Variants in PAPLN observed in about 807,000 individuals in gnomAD.
PAPLN encodes the protein papilin.
In PAPLN, 146 loss-of-function variants were observed where a neutral mutation model predicts 159.0. That is an observed-to-expected ratio of 0.92 (90% confidence interval 0.80 to 1.05). The LOEUF is 1.05. PAPLN is among the 50% of genes least tolerant of loss of function. The pLI is 0.00. For missense variants in PAPLN, 1,720 were observed against 1,743.9 expected (o/e 0.99, Z 0.24); for synonymous variants, 734 against 702.9 (o/e 1.04, Z -0.70).
At chr14:73,270,164 G>A (rs1404634205) in intron 26 of PAPLN, among the ~76,000 whole-genome samples, 1 of 152,146 alleles carries the variant, frequency 6.6e-6, no homozygotes, top group Non-Finnish European at 1.5e-5. Flanking sequence ...CTCTGTCCGG[G>A]GCCTCGCTCG....
At chr14:73,272,347 G>C (rs1887813119) in intron 26 of PAPLN, 148 bp from the exon 27 acceptor site, 1 of 685,974 alleles carries the variant, frequency 1.5e-6, no homozygotes, top group Non-Finnish European at 2.3e-6. Context: ...TTGTACGTAT[G>C]GTTAAAAGGT....
At position 73,261,179 on chromosome 14, in the gene PAPLN, G is replaced by A. The variant is rs1019083526; in HGVS notation, c.2130G>A (p.Gln710=). The change falls in exon 18 of 27, where the codon CAG becomes CAA. Residue 710 remains glutamine (Q), a synonymous_variant. Transcript: ENST00000644200. The stretch of plus-strand genomic sequence containing the variant: ...AGGTCCACAACACCCACCAGCCCCA[G>A]GCCCAGCAGAATGAGCCCAGTGAGT... ...ASTVHNTHQP[Q]AQQNEPSECR... The A allele has an allele frequency of 1.2e-6, 2 of 1,614,114 alleles. No homozygotes were observed. Among genetic ancestry groups the A allele is most frequent in the Admixed American group, 3.3e-5 (2 of 60,018 alleles).
In PAPLN at chr14:73,262,843, C is replaced by A; in HGVS notation, c.2723+16C>A. 1 of 1,451,172 alleles carries A rather than the reference C, an allele frequency of 6.9e-7. No individual in the cohort carries two copies. Among genetic ancestry groups the A allele is most frequent in the Non-Finnish European group, 9.1e-7 (1 of 1,102,124 alleles). The allele number at this position is 1,451,172 out of a possible 1,614,324, so 89.9% of individuals were successfully genotyped here. ...CCTCCTACAGGTGAGGCCCACCTTC[C>A]CCAGGTGAGGGGGTTAGGACGCCCA... On this transcript the variant is annotated intron_variant, in intron 19 of 26. Transcript: ENST00000644200.
At chr14:73,244,602 C>T (rs1374127063) in intron 2 of PAPLN, 42 bp from the exon 3 acceptor site, 10 of 1,497,730 alleles carry the variant, frequency 6.7e-6, no homozygotes, top group Middle Eastern at 1.7e-4. Flanking sequence ...TGGGCTCAGG[C>T]TGTGAGTGGG....
Position 73,265,223 on chromosome 14 carries a change from T to A in PAPLN, c.3126-147T>A. On this transcript the variant is annotated intron_variant, in intron 22 of 26. Coordinates refer to ENST00000644200, the MANE Select transcript of PAPLN (RefSeq NM_001365906.3). This position sits in a 1 kb window ranked among gnomAD's most constrained non-coding sequence, Gnocchi z 4.1. ...TCACCCCAGGTAGTTATTGACCATTTCCTAACCAGAACAAGGCAGGGGATT... is the reference window on the plus strand; with the variant it reads ...TCACCCCAGGTAGTTATTGACCATTACCTAACCAGAACAAGGCAGGGGATT... 2.3e-6 allele frequency: 3 copies of A among 1,319,588 alleles called. No homozygotes were observed. The highest frequency in any genetic ancestry group is 3.1e-6 in the Non-Finnish European group (3 of 982,880). The allele number at this position is 1,319,588 out of a possible 1,614,324, so 81.7% of individuals were successfully genotyped here.
In PAPLN at chr14:73,266,827, T is replaced by C; in HGVS notation, c.3496T>C (p.Ser1166Pro). ...VAGESVNIRW[S>P]RNGLPVQADG... is the part of the protein sequence containing the mutation. ...AGGAGAAAGTGTGAACATCAGGTGGTCCAGGTAAAGGCTCTATTCCAAGTT... is the reference window on the plus strand; with the variant it reads ...AGGAGAAAGTGTGAACATCAGGTGGCCCAGGTAAAGGCTCTATTCCAAGTT... The change falls in exon 25 of 27, where the codon TCC becomes CCC. Residue 1166 changes from serine (S) to proline (P), a missense_variant. Ser to Pro is a moderately conservative substitution (Grantham distance 74). Coordinates refer to ENST00000644200, the MANE Select transcript of PAPLN (RefSeq NM_001365906.3). 6.2e-7 allele frequency: 1 copy of C among 1,610,034 alleles called. No individual in the cohort carries two copies. Among genetic ancestry groups the C allele is most frequent in the Non-Finnish European group, 8.5e-7 (1 of 1,178,014 alleles).
chr14:73,253,844 C>T lies in PAPLN; in HGVS notation c.1185C>T (p.Ala395=), dbSNP rs375727018. ...RSVYCISSDG[A]GIQEAVEEAE... is the part of the protein sequence containing the mutation. The stretch of plus-strand genomic sequence containing the variant: ...TGTACTGCATCTCGTCTGACGGGGC[C>T]GGCATCCAGGAGGCCGTGGAGGAGG... The change falls in exon 12 of 27, where the codon GCC becomes GCT. Residue 395 remains alanine (A), a synonymous_variant. Transcript: ENST00000644200. The T allele has an allele frequency of 1.2e-5, 20 of 1,613,600 alleles. No homozygotes were observed. Among genetic ancestry groups the T allele is most frequent in the South Asian group, 2.2e-5 (2 of 91,082 alleles).
At chr14:73,250,746 G>A (rs1287139627) in intron 6 of PAPLN, among the ~76,000 whole-genome samples, 161 bp from the exon 7 acceptor site, 3 of 152,200 alleles carry the variant, frequency 2.0e-5, no homozygotes, top group African/African-American at 4.8e-5. Context: ...CAGAGAAGTG[G>A]ATTGTCAGCC....
At chr14:73,246,018 T>C (rs994514406) in intron 4 of PAPLN, 55 bp from the exon 5 acceptor site, 3 of 1,441,050 alleles carry the variant, frequency 2.1e-6, no homozygotes, top group Non-Finnish European at 2.7e-6. Context: ...GGGCGGGAGG[T>C]GGGCGGACCT....
chr14:73,256,917 ATAAG>A (rs1885978568), intron 14 of PAPLN, among the ~76,000 whole-genome samples: 1 of 152,078 alleles, frequency 6.6e-6, no homozygotes, highest in African/African-American at 2.4e-5. Context: ...AAATAATAAA[ATAAG>A]TAAATATTTC....
At position 73,259,379 on chromosome 14, in the gene PAPLN, G is replaced by A; in HGVS notation, c.1819G>A (p.Gly607Ser). The change falls in exon 16 of 27, where the codon GGC becomes AGC. Residue 607 changes from glycine to serine, a missense_variant. Coordinates refer to ENST00000644200, the MANE Select transcript of PAPLN (RefSeq NM_001365906.3). ...CCAAGGCACCCACCTGTCAGCCCTG[G>A]GCCCCGCTCCCTCTCTGCAGCAGCC... ...GDQGTHLSAL[G>S]PAPSLQQPPY... is the part of the protein sequence containing the mutation. 1 of 1,612,538 alleles carries A rather than the reference G, an allele frequency of 6.2e-7. No individual in the cohort carries two copies.
At chr14:73,269,590 A>G (rs1033410400) in intron 26 of PAPLN, among the ~76,000 whole-genome samples, 1 of 152,222 alleles carries the variant, frequency 6.6e-6, no homozygotes, top group African/African-American at 2.4e-5. Context: ...CACACTTACA[A>G]GAGATATGTT....
In PAPLN at chr14:73,264,617, G is replaced by A. The variant is rs150085939; in HGVS notation, c.3016G>A (p.Glu1006Lys). 2.7e-5 allele frequency: 43 copies of A among 1,604,396 alleles called. 1 individual carries two copies. In the African/African-American group the frequency reaches 5.5e-4, roughly 21 times the overall value. Residue 1006 changes from glutamate (E) to lysine (K), a missense_variant, in exon 22 of 27, where the codon GAG (glutamate) becomes AAG (lysine). By Grantham distance (56) the Glu-to-Lys change is moderately conservative. Transcript: ENST00000644200. ...TGACATGGCCGTGCTGTCTGAGGCT[G>A]AGCTGAGCCGCTTCCCTCAGCCCAG... Reference protein sequence around the residue: ...GGDMAVLSEAELSRFPQPRDP... With the variant: ...GGDMAVLSEAKLSRFPQPRDP...
chr14:73,252,128 G>C lies in PAPLN; in HGVS notation c.954G>C (p.Ala318=), dbSNP rs765602228. Residue 318 remains alanine (A), a synonymous_variant, in exon 10 of 27, where the codon GCG becomes GCC. Transcript: ENST00000644200. ...WSHGSWSDCS[A]ECGGGHQSRL... is the part of the protein sequence containing the mutation. ...ACGGCTCATGGAGTGACTGCAGCGC[G>C]GAGTGTGGCGGAGGTGCGGGCGTGG... 2.7e-5 allele frequency: 43 copies of C among 1,604,118 alleles called. No homozygotes were observed. Among genetic ancestry groups the C allele is most frequent in the Non-Finnish European group, 3.4e-5 (40 of 1,175,472 alleles).
At chr14:73,260,985 A>C (rs546832632) in intron 17 of PAPLN, among the ~76,000 whole-genome samples, 156 bp downstream of exon 17, 1 of 152,284 alleles carries the variant, frequency 6.6e-6, no homozygotes, top group South Asian at 2.1e-4. Flanking sequence ...CCGGGCTTCA[A>C]AGATGGGCCT....
At chr14:73,248,472 T>C (rs1884864452) in intron 5 of PAPLN, among the ~76,000 whole-genome samples, 1 of 152,172 alleles carries the variant, frequency 6.6e-6, no homozygotes, top group African/African-American at 2.4e-5. Flanking sequence ...CTGTTTGTAC[T>C]TTTGGGTTGT....
Position 73,262,352 on chromosome 14 carries a change from T to C in PAPLN, c.2248T>C (p.Tyr750His). 6.2e-7 allele frequency: 1 copy of C among 1,609,354 alleles called. No individual in the cohort carries two copies. The highest frequency in any genetic ancestry group is 1.1e-5 in the South Asian group (1 of 90,582). ...EGCVGQPSHA[Y>H]PVRCLLPSAH... ...TATATCACACCCATGCCCTGCAGCCTACCCCGTGCGGTGCCTGCTGCCCAG... is the reference window on the plus strand; with the variant it reads ...TATATCACACCCATGCCCTGCAGCCCACCCCGTGCGGTGCCTGCTGCCCAG... Residue 750 changes from tyrosine (Y) to histidine (H), a missense_variant and splice_region_variant, in exon 19 of 27, where the codon TAC becomes CAC. Tyr to His is a moderately conservative substitution (Grantham distance 83). Coordinates refer to ENST00000644200, the MANE Select transcript of PAPLN (RefSeq NM_001365906.3).
rs1004228143 is a variant in PAPLN, at chr14:73,272,874, C to T, written c.*210C>T. On this transcript the variant is annotated 3_prime_UTR_variant, in exon 27 of 27. Transcript: ENST00000644200. ...CCTTCAGCAGTGTTTGCATCTCTGA[C>T]ATAACCACAGGCTGCTGTTTTCAAG... The T allele has an allele frequency of 1.7e-5, 7 of 418,912 alleles. No homozygotes were observed. Among genetic ancestry groups the T allele is most frequent in the Non-Finnish European group, 2.9e-5 (7 of 244,542 alleles). The allele number at this position is 418,912 out of a possible 1,614,324, so 25.9% of individuals were successfully genotyped here.
rs202170102 is a variant in PAPLN at position 73,261,251 on chromosome 14, A to C, written c.2202A>C (p.Ala734=). 3.3e-5 allele frequency: 54 copies of C among 1,613,790 alleles called. No individual in the cohort carries two copies. Among genetic ancestry groups the C allele is most frequent in the Non-Finnish European group, 4.2e-5 (49 of 1,180,000 alleles). ...GTTGCTATGACAACGTGGCCACTGC[A>C]GCCGGTCCTCTTGGGGAAGGCTGTG... ...FGCCYDNVAT[A]AGPLGEGCVG... The change falls in exon 18 of 27, where the codon GCA becomes GCC. Residue 734 remains alanine (A), a synonymous_variant. Coordinates refer to ENST00000644200, the MANE Select transcript of PAPLN (RefSeq NM_001365906.3).
Sources: gnomAD v4.1 joint callset for allele counts (sites outside exome capture counted in the v4.1 genomes callset) on GRCh38, gnomAD v4.1.1 for gene constraint, Gnocchi (gnomAD v3.1) non-coding constraint, MANE v1.5 for transcripts, NCBI Gene and HGNC (gene_info 2026-07-23, HGNC 2026-07-21) for gene names.